The following ADAMTSL3 variants were observed in gnomAD, a reference collection of about 807,000 sequenced individuals.
The protein encoded by ADAMTSL3 is ADAMTS-like protein 3.
A neutral mutation model predicts 201.7 loss-of-function variants in ADAMTSL3; 128 were observed. That is an observed-to-expected ratio of 0.63 (90% confidence interval 0.55 to 0.73). The LOEUF (loss-of-function observed/expected upper bound fraction) is 0.73. Among genes scored for constraint, ADAMTSL3 ranks in the 30% least tolerant of loss-of-function variants. The pLI is 0.00. For synonymous variants in ADAMTSL3, 738 were observed against 748.4 expected (o/e 0.99, Z 0.23); for missense variants, 1,990 against 2,119.6 (o/e 0.94, Z 1.20).
chr15:83,942,793 G>T lies in ADAMTSL3; in HGVS notation c.2310+5G>T, dbSNP rs2066586138. The T allele has an allele frequency of 6.2e-7, 1 of 1,611,934 alleles. No individual in the cohort carries two copies. On this transcript the variant is annotated splice_donor_5th_base_variant and intron_variant, in intron 18 of 29. Transcript: ENST00000286744. ...CACATTGAAGAATGGCAGCAGGTAGGGCAGACTGGCCACTCCAGGGCCCTC... is the reference window on the plus strand; with the variant it reads ...CACATTGAAGAATGGCAGCAGGTAGTGCAGACTGGCCACTCCAGGGCCCTC...
intron 8 of ADAMTSL3, chr15:83,862,083 G>T (rs1361843548): frequency 6.6e-6 from 1 of 152,190 alleles, no homozygotes; most frequent in African/African-American, 2.4e-5. Context: ...AGAATAAAAA[G>T]AAATGGACAA....
intron 6 of ADAMTSL3, among the ~76,000 whole-genome samples, chr15:83,821,459 G>A (rs562280887): frequency 6.7e-4 from 102 of 151,572 alleles, no homozygotes; most frequent in African/African-American, 2.4e-3. Context: ...CGAGCATGCT[G>A]CCTTCAAGCA....
In ADAMTSL3 at chr15:83,891,373, T is replaced by C; in HGVS notation, c.1256T>C (p.Leu419Pro). Residue 419 changes from leucine to proline, a missense_variant, in exon 12 of 30, where the codon CTT becomes CCT. Leu to Pro is a moderately conservative substitution (Grantham distance 98, BLOSUM62 -3). Transcript: ENST00000286744. ...ATGCCCTATGACCACTTCCAACCTCTTCCTCGGTGAGTTATATGTTTCCTT... is the reference window on the plus strand; with the variant it reads ...ATGCCCTATGACCACTTCCAACCTCCTCCTCGGTGAGTTATATGTTTCCTT... ...EIMPYDHFQP[L>P]PRWEHNPWTA... is the part of the protein sequence containing the mutation. The C allele has an allele frequency of 9.9e-6, 16 of 1,612,550 alleles. No individual in the cohort carries two copies. The highest frequency in any genetic ancestry group is 1.4e-5 in the Non-Finnish European group (16 of 1,178,718).
intron 15 of ADAMTSL3, among the ~76,000 whole-genome samples, chr15:83,912,820 T>C (rs947753783): frequency 2.0e-5 from 3 of 152,224 alleles, no homozygotes; most frequent in African/African-American, 7.2e-5. Flanking sequence ...ACCTTTATAA[T>C]TTTGCAAAGG....
chr15:83,669,453 GTTTTTTTTTTTTTTTTTTTT>G (rs71156089), intron 2 of ADAMTSL3, among the ~76,000 whole-genome samples: 1 of 56,880 alleles, frequency 1.8e-5, no homozygotes, highest in Non-Finnish European at 2.9e-5. Context: ...CGGGAGTGAG[GTTTTTTTTTTTTTTTTTTTT>G]TTTTTTTTTT....
At chr15:83,930,958 A>T (rs2066344558) in intron 17 of ADAMTSL3, among the ~76,000 whole-genome samples, 1 of 152,242 alleles carries the variant, frequency 6.6e-6, no homozygotes, top group Non-Finnish European at 1.5e-5. Context: ...TTGAACAGCC[A>T]GTGGATCTTT....
chr15:84,019,076 T>TACACACACACACACACACAC (rs71453219), intron 25 of ADAMTSL3, among the ~76,000 whole-genome samples: 51 of 139,240 alleles, frequency 3.7e-4, no homozygotes, highest in African/African-American at 1.2e-3. Flanking sequence ...CACACACACA[T>TACACACACACACACACACAC]ACACACACAC....
intron 2 of ADAMTSL3, among the ~76,000 whole-genome samples, chr15:83,696,620 T>C (rs1264657496): frequency 1.3e-5 from 2 of 152,142 alleles, no homozygotes; most frequent in East Asian, 3.9e-4. Context: ...CGTCTGAGAG[T>C]GTATTCCTTG....
intron 2 of ADAMTSL3, among the ~76,000 whole-genome samples, chr15:83,693,485 C>T (rs1399739984): frequency 6.6e-6 from 1 of 152,108 alleles, no homozygotes; most frequent in East Asian, 1.9e-4. Context: ...TGGACTCCAG[C>T]GTCCTGCAGG....
chr15:83,703,792 G>A (rs1000451836), intron 2 of ADAMTSL3, among the ~76,000 whole-genome samples: 3 of 152,122 alleles, frequency 2.0e-5, no homozygotes, highest in South Asian at 2.1e-4. Context: ...CAATATGCAT[G>A]TTTATTTAAG....
chr15:83,781,855 A>G (rs2063174968), intron 4 of ADAMTSL3, among the ~76,000 whole-genome samples: 1 of 152,248 alleles, frequency 6.6e-6, no homozygotes, highest in Non-Finnish European at 1.5e-5. Context: ...AATAAAAATC[A>G]AAACCACAAT....
At chr15:83,857,554 C>T (rs915198971) in intron 7 of ADAMTSL3, among the ~76,000 whole-genome samples, 10 of 152,128 alleles carry the variant, frequency 6.6e-5, no homozygotes, top group African/African-American at 1.2e-4. Context: ...CATTTAGGTA[C>T]GGTTCAGTCT....
At chr15:83,986,620 A>T (rs1332288198) in intron 21 of ADAMTSL3, among the ~76,000 whole-genome samples, 1 of 152,238 alleles carries the variant, frequency 6.6e-6, no homozygotes, top group African/African-American at 2.4e-5. Flanking sequence ...CCCTTTACAT[A>T]ACAAATGTTC....
intron 3 of ADAMTSL3, among the ~76,000 whole-genome samples, chr15:83,759,209 C>G (rs1423176187): frequency 6.6e-6 from 1 of 151,530 alleles, no homozygotes; most frequent in Non-Finnish European, 1.5e-5. Flanking sequence ...CATGTTAATA[C>G]TTTATCATTT....
chr15:83,778,129 C>G (rs1001706803), intron 4 of ADAMTSL3, among the ~76,000 whole-genome samples: 5 of 152,000 alleles, frequency 3.3e-5, no homozygotes, highest in African/African-American at 4.8e-5. Context: ...TGTAAAGAGA[C>G]CAAATCCATG....
At chr15:83,904,210 C>T (rs535739686) in intron 15 of ADAMTSL3, among the ~76,000 whole-genome samples, 9 of 152,030 alleles carry the variant, frequency 5.9e-5, no homozygotes, top group South Asian at 2.1e-4. Context: ...CCTCTGTGGT[C>T]GCTCTGCAAT....
chr15:83,917,306 C>G (rs1298341914), intron 16 of ADAMTSL3, among the ~76,000 whole-genome samples: 1 of 152,176 alleles, frequency 6.6e-6, no homozygotes, highest in Non-Finnish European at 1.5e-5. Flanking sequence ...ATTACTGATG[C>G]TTAAGATCCT....
intron 19 of ADAMTSL3, among the ~76,000 whole-genome samples, chr15:83,961,134 A>T (rs2066961823): frequency 6.6e-6 from 1 of 152,218 alleles, no homozygotes; most frequent in East Asian, 1.9e-4. Flanking sequence ...AGGAAAAAAG[A>T]AAAATTTTTA....
chr15:83,829,243 G>A lies in ADAMTSL3; in HGVS notation c.601-8846G>A, dbSNP rs554758077. On this transcript the variant is annotated intron_variant, in intron 6 of 29. Transcript: ENST00000286744. The stretch of plus-strand genomic sequence containing the variant: ...TATTCAGAGATTCAACTTCTTCCTG[G>A]TTTAGTCTTGGGAGGGTGTATGTGT... 2.1e-4 allele frequency among the ~76,000 whole-genome samples: 32 copies of A among 152,262 alleles called. No homozygotes were observed. The East Asian group carries it at 6.0e-3, about 28-fold the overall frequency.
Sources: allele counts gnomAD v4.1 joint callset (sites outside exome capture counted in the v4.1 genomes callset), GRCh38; gene constraint gnomAD v4.1.1; transcripts MANE v1.5; gene names NCBI Gene and HGNC (gene_info 2026-07-23, HGNC 2026-07-21).